The following ST8SIA6 variants were observed in gnomAD, a reference collection of about 807,000 sequenced individuals.
The protein encoded by ST8SIA6 is ST8 alpha-N-acetyl-neuraminide alpha-2,8-sialyltransferase 6, also known as alpha-2,8-sialyltransferase 8F.
ST8SIA6 carries 39 observed loss-of-function variants against 33.6 expected under a neutral mutation model. That is an observed-to-expected ratio of 1.16 (90% CI 0.90 to 1.52). ST8SIA6 has a LOEUF of 1.52. Ranked by LOEUF, ST8SIA6 falls within the 40% of genes most tolerant of loss-of-function variation. The pLI is 0.00. For missense variants in ST8SIA6, 441 were observed against 443.8 expected, an observed-to-expected ratio of 0.99 and a Z score of 0.06; for synonymous variants, 172 against 167.2, an observed-to-expected ratio of 1.03 and a Z score of -0.22.
In ST8SIA6 at chr10:17,320,972, C is replaced by A; in HGVS notation, c.1103G>T (p.Gly368Val). The A allele has an allele frequency of 1.2e-6, 2 of 1,614,084 alleles. No homozygotes were observed. The highest frequency in any genetic ancestry group is 1.7e-6 in the Non-Finnish European group (2 of 1,179,972). ...HYYDNKLPKH[G>V]FHQMPKEYSQ... Reference sequence around the variant, plus strand: ...GTATTCTTTGGGCATCTGATGGAAACCATGTTTAGGTAGCTTGTTGTCATA... The same window carrying A: ...GTATTCTTTGGGCATCTGATGGAAAACATGTTTAGGTAGCTTGTTGTCATA... The change falls in exon 8 of 8, where the codon GGT becomes GTT. Residue 368 changes from glycine to valine, a missense_variant. Physicochemically the swap from Gly to Val is moderately radical, Grantham distance 109 (BLOSUM62 -3). Transcript: ENST00000377602.
At chr10:17,410,179 G>C (rs1851407028) in intron 2 of ST8SIA6, 1 of 152,146 alleles carries the variant, frequency 6.6e-6, no homozygotes, top group African/African-American at 2.4e-5. Context: ...AGTGTCATCA[G>C]AACAAAGATT....
chr10:17,390,512 T>C lies in ST8SIA6; in HGVS notation c.290+19A>G, dbSNP rs1196071935. ...ACCCTTGTTGTAAAAGGAAATTAAA[T>C]GTGAAGAGTAGAACTTACCCTTTCG... On this transcript the variant is annotated intron_variant, in intron 3 of 7. Coordinates refer to ENST00000377602, the MANE Select transcript of ST8SIA6 (RefSeq NM_001004470.3). 2 of 1,574,294 alleles carry C rather than the reference T, an allele frequency of 1.3e-6. No homozygotes were observed. The highest frequency in any genetic ancestry group is 1.4e-5 in the African/African-American group (1 of 73,514).
At chr10:17,430,479 G>A (rs1852069731) in intron 2 of ST8SIA6, among the ~76,000 whole-genome samples, 1 of 152,158 alleles carries the variant, frequency 6.6e-6, no homozygotes. Context: ...TTCCATAAAA[G>A]CTGTACTAAT....
At chr10:17,416,060 A>T (rs1851598809) in intron 2 of ST8SIA6, among the ~76,000 whole-genome samples, 1 of 152,100 alleles carries the variant, frequency 6.6e-6, no homozygotes, top group South Asian at 2.1e-4. Context: ...CACCGGCCTC[A>T]GCCTCCCAAA....
intron 3 of ST8SIA6, among the ~76,000 whole-genome samples, chr10:17,384,548 G>A (rs1850268155): frequency 6.6e-6 from 1 of 152,140 alleles, no homozygotes; most frequent in Admixed American, 6.5e-5. Context: ...TTCTAGTCTT[G>A]CCTAATGTTT....
At position 17,353,669 on chromosome 10, in the gene ST8SIA6, C is replaced by T. The variant is rs532390511; in HGVS notation, c.377+5845G>A. Reference sequence around the variant, plus strand: ...AAAATTGCCACAGTGTAATAGTTATCTGTAACAAAGTAATCAGGCACGAAA... The same window carrying T: ...AAAATTGCCACAGTGTAATAGTTATTTGTAACAAAGTAATCAGGCACGAAA... On this transcript the variant is annotated intron_variant, in intron 4 of 7. Transcript: ENST00000377602. Among the ~76,000 whole-genome samples the T allele has an allele frequency of 8.5e-5, 13 of 152,280 alleles. No individual in the cohort carries two copies. In the South Asian group the frequency reaches 2.7e-3, roughly 32 times the overall value.
intron 6 of ST8SIA6, among the ~76,000 whole-genome samples, chr10:17,323,419 C>T (rs1848027700): frequency 1.7e-5 from 2 of 117,466 alleles, no homozygotes; most frequent in South Asian, 2.6e-4. Flanking sequence ...TTTTTTAAGG[C>T]AGAGTCTCGC....
chr10:17,327,167 A>G (rs768868856), intron 5 of ST8SIA6, 41 bp from the exon 6 acceptor site: 4 of 1,464,734 alleles, frequency 2.7e-6, no homozygotes, highest in South Asian at 1.2e-5. Context: ...AATACCGTTA[A>G]TTTTAGAACC....
At chr10:17,366,149 G>A (rs1446095738) in intron 3 of ST8SIA6, among the ~76,000 whole-genome samples, 1 of 152,212 alleles carries the variant, frequency 6.6e-6, no homozygotes, top group Non-Finnish European at 1.5e-5. Flanking sequence ...GAGCTATGCA[G>A]TGGCACCGAC....
chr10:17,341,217 C>G (rs773897877), intron 4 of ST8SIA6, among the ~76,000 whole-genome samples: 1 of 152,136 alleles, frequency 6.6e-6, no homozygotes, highest in Non-Finnish European at 1.5e-5. Context: ...ACATACAACT[C>G]TATAATGTTC....
At chr10:17,393,995 T>G (rs1850714487) in intron 2 of ST8SIA6, among the ~76,000 whole-genome samples, 1 of 152,182 alleles carries the variant, frequency 6.6e-6, no homozygotes. Flanking sequence ...TGCCTTGTAT[T>G]TTATGCAGGC....
intron 3 of ST8SIA6, among the ~76,000 whole-genome samples, chr10:17,365,828 T>C (rs1314726643): frequency 6.6e-6 from 1 of 152,228 alleles, no homozygotes; most frequent in Admixed American, 6.5e-5. Context: ...CAATTTGGTT[T>C]CCTATGACAT....
intron 2 of ST8SIA6, among the ~76,000 whole-genome samples, chr10:17,409,021 G>A (rs567099521): frequency 3.4e-4 from 51 of 151,410 alleles, no homozygotes; most frequent in African/African-American, 1.2e-3. Flanking sequence ...AACCTCAGGT[G>A]ATCTGCCTGC....
intron 6 of ST8SIA6, among the ~76,000 whole-genome samples, chr10:17,325,488 C>T (rs1451823138): frequency 1.5e-5 from 2 of 133,550 alleles, no homozygotes; most frequent in African/African-American, 5.7e-5. Flanking sequence ...TTATATATTA[C>T]TACTACTGTA....
intron 2 of ST8SIA6, among the ~76,000 whole-genome samples, chr10:17,399,525 G>T (rs17140990): frequency 0.032 from 4,937 of 152,268 alleles, 83 homozygotes; most frequent in South Asian, 0.055. Flanking sequence ...TTTGCCTTCA[G>T]TTACCCTCAA....
At chr10:17,365,909 A>G (rs755952787) in intron 3 of ST8SIA6, among the ~76,000 whole-genome samples, 1 of 152,180 alleles carries the variant, frequency 6.6e-6, no homozygotes, top group Non-Finnish European at 1.5e-5. Flanking sequence ...ATATTAAGTC[A>G]GTAGTTTTCT....
At chr10:17,441,304 C>A (rs112099286) in intron 2 of ST8SIA6, among the ~76,000 whole-genome samples, 2,799 of 148,214 alleles carry the variant, frequency 0.019, 31 homozygotes, top group Non-Finnish European at 0.023. Context: ...TCTAAATTAT[C>A]TTTATTTATT....
chr10:17,326,457 T>A (rs916852365), intron 6 of ST8SIA6, among the ~76,000 whole-genome samples: 2 of 152,164 alleles, frequency 1.3e-5, no homozygotes, highest in Non-Finnish European at 2.9e-5. Flanking sequence ...TAGCTGATAT[T>A]CAGATAGAAA....
chr10:17,339,124 T>C (rs1848596222), intron 4 of ST8SIA6, among the ~76,000 whole-genome samples: 1 of 152,032 alleles, frequency 6.6e-6, no homozygotes. Context: ...CTTTTTTTTT[T>C]CACTGTAGGT....
Sources: gnomAD v4.1 joint callset for allele counts (sites outside exome capture counted in the v4.1 genomes callset) on GRCh38, gnomAD v4.1.1 for gene constraint, MANE v1.5 for transcripts, NCBI Gene and HGNC (gene_info 2026-07-23, HGNC 2026-07-21) for gene names.